NRG3: variants seen among roughly 807,000 people sequenced by gnomAD.
NRG3 encodes neuregulin 3, also known as pro-neuregulin-3, membrane-bound isoform.
Under a neutral mutation model 66.9 loss-of-function variants are expected in NRG3, and 31 were observed. The observed-to-expected ratio is 0.46, with a 90% CI of 0.35 to 0.63. NRG3 has a LOEUF of 0.63. Ranked by LOEUF, NRG3 falls within the 20% of genes least tolerant of loss-of-function variation. The pLI is 0.00. For missense variants in NRG3, 910 were observed against 878.9 expected (o/e 1.04, Z -0.45); for synonymous variants, 393 against 359.4 (o/e 1.09, Z -1.06).
At chr10:82,007,555 C>T (rs1004933553) in intron 1 of NRG3, among the ~76,000 whole-genome samples, 2 of 152,122 alleles carry the variant, frequency 1.3e-5, no homozygotes, top group African/African-American at 4.8e-5. Context: ...AGGAATATTA[C>T]ATGGATATAT....
intron 1 of NRG3, among the ~76,000 whole-genome samples, chr10:82,018,527 G>A (rs1445329417): frequency 6.6e-6 from 1 of 152,146 alleles, no homozygotes; most frequent in African/African-American, 2.4e-5. Flanking sequence ...ACCTTGGGCA[G>A]CATGGCCATT....
At chr10:82,283,545 A>G (rs1056569032) in intron 1 of NRG3, among the ~76,000 whole-genome samples, 8 of 152,216 alleles carry the variant, frequency 5.3e-5, no homozygotes, top group Non-Finnish European at 8.8e-5. Flanking sequence ...GGAAATCTCT[A>G]GCTCGGTTCC....
chr10:82,048,051 A>C (rs931459835), intron 1 of NRG3, among the ~76,000 whole-genome samples: 6 of 150,902 alleles, frequency 4.0e-5, no homozygotes, highest in African/African-American at 1.2e-4. Context: ...AGAGCTAACT[A>C]TCCTGAATAT....
intron 1 of NRG3, among the ~76,000 whole-genome samples, chr10:81,963,157 G>A (rs1463514164): frequency 9.9e-5 from 8 of 80,958 alleles, no homozygotes; most frequent in Non-Finnish European, 1.7e-4. Flanking sequence ...TTTTTGAGAC[G>A]GAGTCTCGCT....
chr10:82,913,928 T>C (rs1464772291), intron 4 of NRG3, among the ~76,000 whole-genome samples: 1 of 152,218 alleles, frequency 6.6e-6, no homozygotes, highest in Non-Finnish European at 1.5e-5. Flanking sequence ...CTTCCTATAA[T>C]GTGTGTTATA....
At chr10:82,786,328 C>T (rs1004846869) in intron 3 of NRG3, among the ~76,000 whole-genome samples, 19 of 152,090 alleles carry the variant, frequency 1.2e-4, no homozygotes, top group Non-Finnish European at 1.9e-4. Flanking sequence ...CCATTGTGCC[C>T]AGATGTGAGA....
intron 1 of NRG3, among the ~76,000 whole-genome samples, chr10:82,186,872 A>G (rs893804431): frequency 6.6e-6 from 1 of 152,142 alleles, no homozygotes; most frequent in African/African-American, 2.4e-5. Flanking sequence ...TTCTCTCCAC[A>G]TGGTACTGCC....
rs11458166 is a variant in NRG3 at position 82,084,502 on chromosome 10, A to ACTTTTTTTTTTTTTT, written c.823+208339_823+208340insCTTTTTTTTTTTTTT. On this transcript the variant is annotated intron_variant, in intron 1 of 8. Transcript: ENST00000372141. The stretch of plus-strand genomic sequence containing the variant: ...TCTCCAAATTTGGGACATATATGAG[A>ACTTTTTTTTTTTTTT]TTTTTTTTTTTTTTTGCCATCATAG... Among the ~76,000 whole-genome samples the ACTTTTTTTTTTTTTT allele has an allele frequency of 2.1e-5, 3 of 145,340 alleles. 1 individual carries two copies. The highest frequency in any genetic ancestry group is 6.8e-5 in the Admixed American group (1 of 14,666).
At chr10:82,084,851 T>C (rs2065627119) in intron 1 of NRG3, among the ~76,000 whole-genome samples, 1 of 152,138 alleles carries the variant, frequency 6.6e-6, no homozygotes, top group Non-Finnish European at 1.5e-5. Context: ...GTGGGGTCCC[T>C]GCCCAGTGCT....
At chr10:81,909,417 A>T (rs1386359415) in intron 1 of NRG3, among the ~76,000 whole-genome samples, 1 of 152,004 alleles carries the variant, frequency 6.6e-6, no homozygotes, top group Non-Finnish European at 1.5e-5. Context: ...GGTAATGGAG[A>T]TGGGATGGTG....
chr10:82,142,885 G>A (rs1460189773), intron 1 of NRG3, among the ~76,000 whole-genome samples: 1 of 147,632 alleles, frequency 6.8e-6, no homozygotes, highest in Non-Finnish European at 1.5e-5. Context: ...CTCCCAAGTA[G>A]CTGAGACTAT....
At chr10:82,408,872 G>A (rs2087827284) in intron 2 of NRG3, among the ~76,000 whole-genome samples, 1 of 151,858 alleles carries the variant, frequency 6.6e-6, no homozygotes, top group East Asian at 1.9e-4. Flanking sequence ...TGCAGAATAG[G>A]AAATCTATAA....
At chr10:81,935,319 G>A (rs574435660) in intron 1 of NRG3, among the ~76,000 whole-genome samples, 15 of 152,240 alleles carry the variant, frequency 9.9e-5, no homozygotes, top group African/African-American at 3.6e-4. Context: ...ATAACTCAAT[G>A]GAGTTCTGTC....
chr10:82,607,343 T>G (rs2133455333), intron 2 of NRG3, among the ~76,000 whole-genome samples: 1 of 128,672 alleles, frequency 7.8e-6, no homozygotes, highest in Non-Finnish European at 1.8e-5. Context: ...ATGCTCCTCT[T>G]TATCACTGAT....
chr10:82,661,957 C>G (rs56768974), intron 2 of NRG3, among the ~76,000 whole-genome samples: 11,415 of 152,182 alleles, frequency 0.075, 1,115 homozygotes, highest in African/African-American at 0.23. Flanking sequence ...TGTTTCCCAT[C>G]TGCTGGGGGT....
intron 1 of NRG3, among the ~76,000 whole-genome samples, chr10:82,092,230 T>A (rs2066070109): frequency 6.6e-6 from 1 of 152,156 alleles, no homozygotes; most frequent in South Asian, 2.1e-4. Context: ...TTGCACAGCT[T>A]GTAAGTGGCA....
At chr10:82,674,901 T>A (rs981175171) in intron 2 of NRG3, among the ~76,000 whole-genome samples, 7 of 152,036 alleles carry the variant, frequency 4.6e-5, no homozygotes, top group South Asian at 2.1e-4. Flanking sequence ...GGAATTATTA[T>A]CTCCTCAAAG....
intron 2 of NRG3, among the ~76,000 whole-genome samples, chr10:82,559,568 C>T (rs1349836000): frequency 1.3e-5 from 2 of 152,156 alleles, no homozygotes; most frequent in African/African-American, 2.4e-5. Context: ...AGAAGGACAG[C>T]AGCTGGTACG....
intron 2 of NRG3, among the ~76,000 whole-genome samples, chr10:82,604,453 G>A (rs548168648): frequency 2.0e-4 from 30 of 152,204 alleles, no homozygotes; most frequent in African/African-American, 6.7e-4. Flanking sequence ...GGCCATTTTG[G>A]TTGCTGTCAC....
Sources: gnomAD v4.1 joint callset for allele counts (sites outside exome capture counted in the v4.1 genomes callset) on GRCh38, gnomAD v4.1.1 for gene constraint, MANE v1.5 for transcripts, NCBI Gene and HGNC (gene_info 2026-07-23, HGNC 2026-07-21) for gene names.